The following ERC2 variants were observed in gnomAD, a reference collection of about 807,000 sequenced individuals.
The protein encoded by ERC2 is ERC protein 2.
In ERC2, 42 loss-of-function variants were observed where a neutral mutation model predicts 114.8. The observed-to-expected ratio is 0.37, with a 90% CI of 0.29 to 0.47. The LOEUF is 0.47. Among genes scored for constraint, ERC2 ranks in the 20% least tolerant of loss-of-function variants. The probability of loss-of-function intolerance (pLI) is 0.99; values close to 1 mark genes in which losing one functional copy is unlikely to be tolerated. For synonymous variants in ERC2, 454 were observed against 425.5 expected, an observed-to-expected ratio of 1.07 and a Z score of -0.82; for missense variants, 939 against 1,150.7, an observed-to-expected ratio of 0.82 and a Z score of 2.66.
At chr3:56,359,876 C>T (rs1402788610) in intron 2 of ERC2, among the ~76,000 whole-genome samples, 2 of 150,956 alleles carry the variant, frequency 1.3e-5, no homozygotes, top group Non-Finnish European at 2.9e-5. Context: ...AGAACTTACT[C>T]ATTACTGTGA....
chr3:56,436,879 G>A (rs531129840), intron 1 of ERC2, among the ~76,000 whole-genome samples: 1 of 152,312 alleles, frequency 6.6e-6, no homozygotes, highest in East Asian at 1.9e-4. Context: ...TTCAAAGAGT[G>A]TGAAACCAAA....
intron 13 of ERC2, among the ~76,000 whole-genome samples, chr3:55,920,081 T>C (rs1444510265): frequency 6.6e-6 from 1 of 152,096 alleles, no homozygotes; most frequent in Non-Finnish European, 1.5e-5. Context: ...CAAATAAGTA[T>C]AAAAATTAGT....
At chr3:55,660,285 G>A (rs561567206) in intron 17 of ERC2, among the ~76,000 whole-genome samples, 1 of 152,214 alleles carries the variant, frequency 6.6e-6, no homozygotes, top group East Asian at 1.9e-4. Flanking sequence ...TATTCCTTTT[G>A]GCTCCTGATC....
chr3:55,731,919 T>C (rs1341946940), intron 15 of ERC2, among the ~76,000 whole-genome samples: 2 of 152,196 alleles, frequency 1.3e-5, no homozygotes, highest in African/African-American at 4.8e-5. Context: ...AAATGGTTTT[T>C]TTGGCATCTA....
chr3:55,566,081 A>G (rs576641362), intron 17 of ERC2, among the ~76,000 whole-genome samples: 218 of 152,164 alleles, frequency 1.4e-3, no homozygotes, highest in Non-Finnish European at 2.6e-3. Flanking sequence ...CTTGACTTTC[A>G]CTCTATGATG....
At chr3:56,422,020 G>T (rs1238717680) in intron 2 of ERC2, among the ~76,000 whole-genome samples, 2 of 152,158 alleles carry the variant, frequency 1.3e-5, no homozygotes, top group South Asian at 2.1e-4. Context: ...AAGAGAGGAA[G>T]ATCTGATTTT....
chr3:55,556,938 T>G (rs1333869737), intron 17 of ERC2, among the ~76,000 whole-genome samples: 3 of 152,216 alleles, frequency 2.0e-5, no homozygotes, highest in Non-Finnish European at 2.9e-5. Context: ...AATTATTTAC[T>G]GCAAGTCTAC....
chr3:56,152,850 T>C (rs770792163), intron 4 of ERC2, among the ~76,000 whole-genome samples: 1 of 152,152 alleles, frequency 6.6e-6, no homozygotes, highest in Non-Finnish European at 1.5e-5. Flanking sequence ...CAAGACTATT[T>C]TACATCTACC....
chr3:55,798,452 G>A (rs2149093192), intron 14 of ERC2, among the ~76,000 whole-genome samples: 1 of 152,152 alleles, frequency 6.6e-6, no homozygotes, highest in African/African-American at 2.4e-5. Context: ...CAAAAAATTA[G>A]CCAGGCGTGG....
rs181776489 is a variant in ERC2, at chr3:55,989,996, G to A, written c.2255+2061C>T. 5.2e-3 allele frequency among the ~76,000 whole-genome samples: 787 copies of A among 152,208 alleles called. 5 individuals are homozygous for A. Among genetic ancestry groups the A allele is most frequent in the African/African-American group, 0.018 (730 of 41,532 alleles). ...CTGACTACAGGCCCAATCTCAGGAA[G>A]GTCATTTAACTTTTCAAGATCTCAG... On this transcript the variant is annotated intron_variant, in intron 11 of 17. Coordinates refer to ENST00000288221, the MANE Select transcript of ERC2 (RefSeq NM_015576.3).
intron 3 of ERC2, among the ~76,000 whole-genome samples, chr3:56,272,586 A>C (rs1417135774): frequency 6.6e-6 from 1 of 152,218 alleles, no homozygotes; most frequent in African/African-American, 2.4e-5. Context: ...CCTGGCCAAC[A>C]TAGTGAAACG....
chr3:55,983,386 G>A (rs1039132646), intron 12 of ERC2, among the ~76,000 whole-genome samples: 3 of 152,084 alleles, frequency 2.0e-5, no homozygotes, highest in Admixed American at 1.3e-4. Context: ...ACCCTCCCCC[G>A]AGTACAATAC....
intron 14 of ERC2, among the ~76,000 whole-genome samples, chr3:55,885,477 G>A (rs1165366703): frequency 6.6e-6 from 1 of 152,154 alleles, no homozygotes; most frequent in Non-Finnish European, 1.5e-5. Flanking sequence ...GCCCATATCA[G>A]GCTTAATGAA....
intron 3 of ERC2, among the ~76,000 whole-genome samples, chr3:56,216,985 C>T (rs751795750): frequency 1.2e-4 from 19 of 152,266 alleles, no homozygotes; most frequent in East Asian, 1.9e-4. Flanking sequence ...ATTGATGGGA[C>T]GTATCTCAAA....
In ERC2 at chr3:55,817,255, A is replaced by T. The variant is rs1313919800; in HGVS notation, c.2564+71134T>A. On this transcript the variant is annotated intron_variant, in intron 14 of 17. Coordinates refer to ENST00000288221, the MANE Select transcript of ERC2 (RefSeq NM_015576.3). Reference sequence around the variant, plus strand: ...GTCAAAACAACTGAGATCTGAACCCAGCTCTGACTTGCTACTCTGGTCCCT... The same window carrying T: ...GTCAAAACAACTGAGATCTGAACCCTGCTCTGACTTGCTACTCTGGTCCCT... Among the ~76,000 whole-genome samples the T allele has an allele frequency of 2.6e-5, 4 of 152,342 alleles. No individual in the cohort carries two copies. In the East Asian group the frequency reaches 7.7e-4, roughly 29 times the overall value.
intron 17 of ERC2, among the ~76,000 whole-genome samples, chr3:55,664,529 G>C (rs1003114139): frequency 6.6e-6 from 1 of 152,218 alleles, no homozygotes; most frequent in African/African-American, 2.4e-5. Context: ...GGAGACGCCA[G>C]GCGGTGTTAA....
At chr3:56,414,788 C>T (rs2061084585) in intron 2 of ERC2, among the ~76,000 whole-genome samples, 1 of 152,080 alleles carries the variant, frequency 6.6e-6, no homozygotes. Context: ...CTCTCTCTCC[C>T]TCTCTGTCTC....
At chr3:55,543,633 T>G (rs1292076249) in intron 17 of ERC2, among the ~76,000 whole-genome samples, 1 of 152,124 alleles carries the variant, frequency 6.6e-6, no homozygotes, top group East Asian at 1.9e-4. Context: ...GTTGTAAGAA[T>G]GAAGGAGGCA....
At chr3:56,074,969 C>T (rs985301975) in intron 7 of ERC2, among the ~76,000 whole-genome samples, 2 of 152,248 alleles carry the variant, frequency 1.3e-5, no homozygotes, top group South Asian at 4.2e-4. Flanking sequence ...GCATCACATG[C>T]CAAGAATTTT....
Sources: allele counts gnomAD v4.1 joint callset (sites outside exome capture counted in the v4.1 genomes callset), GRCh38; gene constraint gnomAD v4.1.1; transcripts MANE v1.5; gene names NCBI Gene and HGNC (gene_info 2026-07-23, HGNC 2026-07-21).